Variants in ABCA13 observed in about 807,000 individuals in gnomAD.
The protein encoded by ABCA13 is ATP binding cassette subfamily A member 13, also known as ATP-binding cassette sub-family A member 13.
Under a neutral mutation model 478.7 loss-of-function variants are expected in ABCA13, and 476 were observed. The observed-to-expected ratio is 0.99, with a 90% CI of 0.92 to 1.07. ABCA13 has a LOEUF of 1.07. ABCA13 is among the 50% of genes least tolerant of loss of function. ABCA13 has a pLI of 0.00. For missense variants in ABCA13, 6,060 were observed against 5,910.6 expected, an observed-to-expected ratio of 1.03 and a Z score of -0.83; for synonymous variants, 2,252 against 2,158.9, an observed-to-expected ratio of 1.04 and a Z score of -1.20.
At chr7:48,391,018 T>C (rs568098771) in intron 37 of ABCA13, among the ~76,000 whole-genome samples, 1 of 152,316 alleles carries the variant, frequency 6.6e-6, no homozygotes, top group African/African-American at 2.4e-5. Flanking sequence ...AAGAAACCAA[T>C]TTAAAACTTA....
chr7:48,331,063 G>C (rs531335875), intron 27 of ABCA13, among the ~76,000 whole-genome samples: 4 of 152,304 alleles, frequency 2.6e-5, no homozygotes, highest in African/African-American at 9.6e-5. Flanking sequence ...AAGGAGGGAA[G>C]AGGGTGATAT....
chr7:48,456,808 G>GTT lies in ABCA13; in HGVS notation c.12815+1531_12815+1532dup, dbSNP rs34154306. Among the ~76,000 whole-genome samples the GTT allele has an allele frequency of 7.6e-4, 113 of 148,518 alleles. 2 individuals are homozygous for GTT. In the East Asian group the frequency reaches 0.019, roughly 25 times the overall value. Reference sequence around the variant, plus strand: ...GGGGCATATAAAGGTTTATTTATTTGTTTTTTTTTTCCTATTATAGGCAAT... The same window carrying GTT: ...GGGGCATATAAAGGTTTATTTATTTGTTTTTTTTTTTTCCTATTATAGGCAAT... On this transcript the variant is annotated intron_variant, in intron 43 of 61. Coordinates refer to ENST00000435803, the MANE Select transcript of ABCA13 (RefSeq NM_152701.5).
intron 55 of ABCA13, among the ~76,000 whole-genome samples, chr7:48,564,763 T>C (rs1412137442): frequency 6.6e-6 from 1 of 152,092 alleles, no homozygotes; most frequent in African/African-American, 2.4e-5. Flanking sequence ...ATATCTATTA[T>C]GGAATTAATA....
chr7:48,393,135 C>G (rs758768368), intron 38 of ABCA13, among the ~76,000 whole-genome samples: 1 of 152,148 alleles, frequency 6.6e-6, no homozygotes, highest in Non-Finnish European at 1.5e-5. Flanking sequence ...GATTAGAGAA[C>G]AAAGTGGTGT....
intron 58 of ABCA13, 118 bp from the exon 59 acceptor site, chr7:48,615,166 TA>T (rs1482104525): frequency 1.9e-6 from 1 of 515,940 alleles, no homozygotes; most frequent in Non-Finnish European, 3.1e-6. Context: ...GATTTCTGTG[TA>T]AAAAAATTAA....
rs1823036027 is a variant in ABCA13, at chr7:48,437,756, C to G, written c.12565+9885C>G. Among the ~76,000 whole-genome samples, 3 of 152,056 alleles carry G rather than the reference C, an allele frequency of 2.0e-5. No individual in the cohort carries two copies. In the South Asian group the frequency reaches 6.2e-4, roughly 32 times the overall value. On this transcript the variant is annotated intron_variant, in intron 42 of 61. Transcript: ENST00000435803. ...TGCAAATTGGTGTGGAATACTTCTG[C>G]TAATTAGTGATCCCCTGGGTCTTGA...
At chr7:48,487,464 G>C (rs1053358739) in intron 47 of ABCA13, among the ~76,000 whole-genome samples, 8 of 151,976 alleles carry the variant, frequency 5.3e-5, no homozygotes, top group African/African-American at 1.4e-4. Flanking sequence ...TTTCTGTACT[G>C]TAGTGTGGTG....
intron 51 of ABCA13, among the ~76,000 whole-genome samples, 200 bp downstream of exon 51, chr7:48,511,399 C>T (rs1037427633): frequency 6.6e-6 from 1 of 152,098 alleles, no homozygotes; most frequent in Non-Finnish European, 1.5e-5. Flanking sequence ...CTGACCTGGT[C>T]GTGATGAAGA....
At chr7:48,597,602 C>T (rs1049460451) in intron 58 of ABCA13, among the ~76,000 whole-genome samples, 2 of 152,164 alleles carry the variant, frequency 1.3e-5, no homozygotes, top group African/African-American at 4.8e-5. Context: ...CTTTATTCCA[C>T]ATCCTTGTCA....
chr7:48,488,526 T>C (rs1829552571), intron 47 of ABCA13, among the ~76,000 whole-genome samples: 12 of 152,198 alleles, frequency 7.9e-5, no homozygotes, highest in Admixed American at 7.9e-4. Flanking sequence ...AAAGGCAGCC[T>C]CTTCTAGAGA....
At chr7:48,586,835 C>T (rs929492219) in intron 56 of ABCA13, among the ~76,000 whole-genome samples, 1 of 152,136 alleles carries the variant, frequency 6.6e-6, no homozygotes, top group Admixed American at 6.5e-5. Context: ...TTGGCATACC[C>T]TTCTCTGCTC....
chr7:48,436,421 A>G (rs1168996223), intron 42 of ABCA13, among the ~76,000 whole-genome samples: 2 of 151,722 alleles, frequency 1.3e-5, no homozygotes, highest in Admixed American at 6.6e-5. Flanking sequence ...TTCTTAGTCA[A>G]TCTAGCTAAA....
intron 15 of ABCA13, among the ~76,000 whole-genome samples, chr7:48,266,489 AT>A (rs547372572): frequency 2.6e-4 from 39 of 151,600 alleles, no homozygotes; most frequent in East Asian, 1.5e-3. Flanking sequence ...TATCATAAGG[AT>A]TTTTTTTAAA....
At chr7:48,329,034 G>T (rs1232020495) in intron 27 of ABCA13, among the ~76,000 whole-genome samples, 1 of 152,178 alleles carries the variant, frequency 6.6e-6, no homozygotes, top group Non-Finnish European at 1.5e-5. Flanking sequence ...TTGTGCCATT[G>T]TTTGTAAGCA....
At chr7:48,401,863 G>A (rs1355334660) in intron 38 of ABCA13, among the ~76,000 whole-genome samples, 2 of 151,744 alleles carry the variant, frequency 1.3e-5, no homozygotes, top group African/African-American at 4.8e-5. Flanking sequence ...AAAAACAGAA[G>A]TAAAAATACA....
chr7:48,262,902 G>A (rs1326637366), intron 15 of ABCA13, among the ~76,000 whole-genome samples: 1 of 151,950 alleles, frequency 6.6e-6, no homozygotes, highest in Non-Finnish European at 1.5e-5. Flanking sequence ...ATCTTTCCAT[G>A]TTGAACTTTG....
chr7:48,181,090 C>T (rs1583997250), intron 1 of ABCA13, among the ~76,000 whole-genome samples: 1 of 152,122 alleles, frequency 6.6e-6, no homozygotes, highest in Admixed American at 6.5e-5. Context: ...CAGAAGGGAC[C>T]CGCAGTTCCT....
chr7:48,421,379 A>G (rs776271678), intron 41 of ABCA13, among the ~76,000 whole-genome samples: 6 of 152,236 alleles, frequency 3.9e-5, no homozygotes, highest in Non-Finnish European at 8.8e-5. Flanking sequence ...ATTGTCCAGT[A>G]AGAAAGAACT....
rs1386738138 is a variant in ABCA13, at chr7:48,352,497, C to G, written c.10688+10C>G. The G allele has an allele frequency of 6.3e-7, 1 of 1,585,192 alleles. No individual in the cohort carries two copies. The highest frequency in any genetic ancestry group is 1.4e-5 in the African/African-American group (1 of 74,032). The stretch of plus-strand genomic sequence containing the variant: ...GCCATACCAGCGACCTGTGAGTAGC[C>G]TGGGGCAGGAGCCACCGACAGTGAG... On this transcript the variant is annotated intron_variant, in intron 31 of 61. Coordinates refer to ENST00000435803, the MANE Select transcript of ABCA13 (RefSeq NM_152701.5).
Sources: gnomAD v4.1 joint callset for allele counts (sites outside exome capture counted in the v4.1 genomes callset) on GRCh38, gnomAD v4.1.1 for gene constraint, MANE v1.5 for transcripts, NCBI Gene and HGNC (gene_info 2026-07-23, HGNC 2026-07-21) for gene names.